CSMD1: variants seen among roughly 807,000 people sequenced by gnomAD.
CSMD1 encodes the protein CUB and Sushi multiple domains 1, also known as CUB and sushi domain-containing protein 1.
A neutral mutation model predicts 417.5 loss-of-function variants in CSMD1; 213 were observed. The observed-to-expected ratio is 0.51, with a 90% CI of 0.46 to 0.57. The LOEUF is 0.57. Ranked by LOEUF, CSMD1 falls within the 20% of genes least tolerant of loss-of-function variation. The probability of loss-of-function intolerance (pLI) is 0.00; values close to 1 mark genes in which losing one functional copy is unlikely to be tolerated. For synonymous variants in CSMD1, 2,862 were observed against 1,736.8 expected (o/e 1.65, Z -16.11); for missense variants, 6,923 against 4,529.7 (o/e 1.53, Z -15.17).
At chr8:3,239,273 C>A (rs988858504) in intron 26 of CSMD1, among the ~76,000 whole-genome samples, 1 of 152,038 alleles carries the variant, frequency 6.6e-6, no homozygotes, top group Non-Finnish European at 1.5e-5. Flanking sequence ...GCTGATTTGA[C>A]TAATAAAGGC....
chr8:4,589,492 C>T (rs971752029), intron 2 of CSMD1, among the ~76,000 whole-genome samples: 9 of 152,112 alleles, frequency 5.9e-5, no homozygotes, highest in African/African-American at 1.2e-4. Flanking sequence ...TCAGTGCCTG[C>T]GAGACAACAG....
At chr8:4,398,000 T>G (rs1375258758) in intron 3 of CSMD1, among the ~76,000 whole-genome samples, 1 of 152,192 alleles carries the variant, frequency 6.6e-6, no homozygotes. Flanking sequence ...TTAAATACCT[T>G]TGTCTAGGTC....
At chr8:3,538,733 C>T (rs552391236) in intron 10 of CSMD1, among the ~76,000 whole-genome samples, 4 of 152,306 alleles carry the variant, frequency 2.6e-5, no homozygotes, top group Non-Finnish European at 5.9e-5. Flanking sequence ...CGTGCACTTG[C>T]GATTCATCAG....
intron 1 of CSMD1, among the ~76,000 whole-genome samples, chr8:4,698,985 G>A (rs1807325072): frequency 6.6e-6 from 1 of 151,216 alleles, no homozygotes. Context: ...TCACTGCCTT[G>A]CCATGGTCAT....
intron 26 of CSMD1, among the ~76,000 whole-genome samples, chr8:3,241,365 A>T (rs1209088355): frequency 6.6e-6 from 1 of 151,954 alleles, no homozygotes; most frequent in African/African-American, 2.4e-5. Context: ...TGGAGTGGGT[A>T]GCCTCCATAT....
intron 1 of CSMD1, among the ~76,000 whole-genome samples, chr8:4,873,433 C>G (rs1802853755): frequency 6.6e-6 from 1 of 152,110 alleles, no homozygotes; most frequent in Non-Finnish European, 1.5e-5. Flanking sequence ...TAGAATCTAA[C>G]TCAGAGAATA....
intron 5 of CSMD1, among the ~76,000 whole-genome samples, chr8:3,859,290 A>G (rs1804526523): frequency 6.6e-6 from 1 of 152,160 alleles, no homozygotes; most frequent in East Asian, 1.9e-4. Flanking sequence ...TTCCTTCAAC[A>G]CCTATCCATG....
At position 2,938,793 on chromosome 8, in the gene CSMD1, A is replaced by T. The variant is rs546434087; in HGVS notation, c.10536-49T>A. Reference sequence around the variant, plus strand: ...ATTAGAATCCTGGTTTCATTTGCAGATTTAGCAGCTGGGACTGTGTGCAGG... The same window carrying T: ...ATTAGAATCCTGGTTTCATTTGCAGTTTTAGCAGCTGGGACTGTGTGCAGG... On this transcript the variant is annotated intron_variant, in intron 69 of 69. Coordinates refer to ENST00000635120, the MANE Select transcript of CSMD1 (RefSeq NM_033225.6). 140 of 1,520,186 alleles carry T rather than the reference A, an allele frequency of 9.2e-5. 2 individuals carry two copies. In the South Asian group the frequency reaches 1.6e-3, roughly 17 times the overall value. The allele number at this position is 1,520,186 out of a possible 1,614,324, so 94.2% of individuals were successfully genotyped here.
rs2039110154 is a variant in CSMD1, at chr8:4,732,249, G to A, written c.86-94691C>T. ...AGAACTCTTTCTACTCTAACAAACT[G>A]CATATGGTGTAATTGAAAGACACTC... On this transcript the variant is annotated intron_variant, in intron 1 of 69. Coordinates refer to ENST00000635120, the MANE Select transcript of CSMD1 (RefSeq NM_033225.6). Among the ~76,000 whole-genome samples the A allele has an allele frequency of 2.0e-5, 3 of 151,902 alleles. 1 individual carries two copies. Among genetic ancestry groups the A allele is most frequent in the African/African-American group, 7.3e-5 (3 of 41,320 alleles).
At chr8:4,227,523 A>G (rs1801432510) in intron 3 of CSMD1, among the ~76,000 whole-genome samples, 1 of 152,052 alleles carries the variant, frequency 6.6e-6, no homozygotes. Flanking sequence ...TCCACACATT[A>G]TAGACCTAAC....
At chr8:4,573,223 T>A (rs1585269356) in intron 2 of CSMD1, among the ~76,000 whole-genome samples, 1 of 152,206 alleles carries the variant, frequency 6.6e-6, no homozygotes, top group Non-Finnish European at 1.5e-5. Flanking sequence ...ATTTTCAGCA[T>A]TTTTGTGCTG....
intron 3 of CSMD1, among the ~76,000 whole-genome samples, chr8:4,363,769 A>T (rs1282498680): frequency 6.6e-6 from 1 of 152,192 alleles, no homozygotes; most frequent in Non-Finnish European, 1.5e-5. Context: ...ATGGCTGAAT[A>T]GTACTCCACT....
At chr8:4,674,104 C>G (rs1805525438) in intron 1 of CSMD1, among the ~76,000 whole-genome samples, 1 of 152,208 alleles carries the variant, frequency 6.6e-6, no homozygotes, top group East Asian at 1.9e-4. Context: ...TTTATATAAA[C>G]CAGATTCAAA....
At chr8:4,169,941 T>C (rs1037845608) in intron 3 of CSMD1, among the ~76,000 whole-genome samples, 3 of 149,896 alleles carry the variant, frequency 2.0e-5, no homozygotes, top group Non-Finnish European at 2.9e-5. Flanking sequence ...GAAGAGATTT[T>C]GGCTTGCGTG....
intron 7 of CSMD1, among the ~76,000 whole-genome samples, chr8:3,640,756 A>C (rs1228786929): frequency 1.3e-5 from 2 of 152,222 alleles, no homozygotes; most frequent in Admixed American, 1.3e-4. Context: ...TTGTACAGGA[A>C]GTGAGACATT....
chr8:3,089,802 C>G (rs73183509), intron 48 of CSMD1, among the ~76,000 whole-genome samples: 3,565 of 152,240 alleles, frequency 0.023, 108 homozygotes, highest in African/African-American at 0.07. Context: ...TTCTTCTTCT[C>G]CCAATACAGT....
intron 18 of CSMD1, 76 bp downstream of exon 18, chr8:3,387,418 C>CA: frequency 7.8e-7 from 1 of 1,285,460 alleles, no homozygotes; most frequent in South Asian, 1.5e-5. Flanking sequence ...GAAATACACA[C>CA]ACCACCCAGC....
chr8:3,951,206 T>A (rs1055480733), intron 5 of CSMD1, among the ~76,000 whole-genome samples: 5 of 152,122 alleles, frequency 3.3e-5, no homozygotes, highest in African/African-American at 9.7e-5. Context: ...CCTGTATAGG[T>A]AGTTTGTGGG....
At chr8:4,490,039 A>AT (rs67307681) in intron 2 of CSMD1, among the ~76,000 whole-genome samples, 11,720 of 131,140 alleles carry the variant, frequency 0.089, 585 homozygotes, top group Middle Eastern at 0.11. Context: ...TCAGGTACCA[A>AT]TTTTTTTTTT....
Sources: gnomAD v4.1 joint callset for allele counts (sites outside exome capture counted in the v4.1 genomes callset) on GRCh38, gnomAD v4.1.1 for gene constraint, MANE v1.5 for transcripts, NCBI Gene and HGNC (gene_info 2026-07-23, HGNC 2026-07-21) for gene names.